The following GPR176 variants were observed in gnomAD, a reference collection of about 807,000 sequenced individuals.
GPR176 encodes the protein G protein-coupled receptor 176, also known as G-protein coupled receptor 176.
Under a neutral mutation model 35.4 loss-of-function variants are expected in GPR176, and 26 were observed. The observed-to-expected ratio is 0.74, with a 90% confidence interval of 0.54 to 1.02. The LOEUF (loss-of-function observed/expected upper bound fraction) is 1.02. Ranked by LOEUF, GPR176 falls within the 50% of genes least tolerant of loss-of-function variation. GPR176 has a pLI of 0.00. For synonymous variants in GPR176, 278 were observed against 271.3 expected (o/e 1.02, Z -0.24); for missense variants, 597 against 665.3 (o/e 0.90, Z 1.13).
rs1345918151 is a variant in GPR176, at chr15:39,800,576, G to A, written c.*556C>T. ...CTACATCCCAATGAAAGGGACGAAG[G>A]GTATCAGGAGAAACAGTGAGTCATA... On this transcript the variant is annotated 3_prime_UTR_variant, in exon 3 of 3. Coordinates refer to ENST00000561100, the MANE Select transcript of GPR176 (RefSeq NM_007223.3). 4 of 154,578 alleles carry A rather than the reference G, an allele frequency of 2.6e-5. No individual in the cohort carries two copies. The highest frequency in any genetic ancestry group is 5.7e-5 in the Non-Finnish European group (4 of 69,618). The allele number at this position is 154,578 out of a possible 1,614,324, so 9.6% of individuals were successfully genotyped here. A position where few individuals can be genotyped will look rare whatever the true frequency, so the allele number is the denominator to read the frequency against.
At chr15:39,910,154 T>G (rs2033537140) in intron 1 of GPR176, among the ~76,000 whole-genome samples, 1 of 152,258 alleles carries the variant, frequency 6.6e-6, no homozygotes, top group Admixed American at 6.5e-5. Context: ...GTTATTATGA[T>G]GACTGAAAGA....
At chr15:39,827,696 A>T (rs1900771445) in intron 1 of GPR176, among the ~76,000 whole-genome samples, 1 of 152,238 alleles carries the variant, frequency 6.6e-6, no homozygotes, top group Admixed American at 6.5e-5. Flanking sequence ...AGTATCTATT[A>T]GATTGGTGCA....
At chr15:39,845,471 T>C (rs775600550) in intron 1 of GPR176, among the ~76,000 whole-genome samples, 3 of 151,642 alleles carry the variant, frequency 2.0e-5, no homozygotes, top group Non-Finnish European at 2.9e-5. Context: ...TACTACTAGA[T>C]AACCTTAAGT....
intron 1 of GPR176, among the ~76,000 whole-genome samples, chr15:39,910,986 C>A (rs2033562752): frequency 6.6e-6 from 1 of 151,874 alleles, no homozygotes. Context: ...TGCAGTTAGT[C>A]AAGGTTGTAC....
intron 1 of GPR176, among the ~76,000 whole-genome samples, chr15:39,861,376 CCT>C (rs1358022750): frequency 6.6e-6 from 1 of 151,934 alleles, no homozygotes; most frequent in Non-Finnish European, 1.5e-5. Context: ...ATGGTGAAAC[CCT>C]GTCTCCACTA....
rs529326219 is a variant in GPR176, at chr15:39,913,096, T to A, written c.172+6759A>T. Among the ~76,000 whole-genome samples the A allele has an allele frequency of 2.6e-5, 4 of 152,246 alleles. No homozygotes were observed. In the East Asian group the frequency reaches 7.7e-4, roughly 29 times the overall value. On this transcript the variant is annotated intron_variant, in intron 1 of 2. Coordinates refer to ENST00000561100, the MANE Select transcript of GPR176 (RefSeq NM_007223.3). ...GAATGGATAAACAAAATGTAATATA[T>A]CCATACAATGAAATATGATTCAGCA...
chr15:39,895,054 C>G (rs1290642785), intron 1 of GPR176, among the ~76,000 whole-genome samples: 1 of 152,246 alleles, frequency 6.6e-6, no homozygotes, highest in African/African-American at 2.4e-5. Context: ...CATAGCGAAA[C>G]CCGGTCTCCA....
At chr15:39,856,675 G>A (rs1171194297) in intron 1 of GPR176, among the ~76,000 whole-genome samples, 8 of 152,202 alleles carry the variant, frequency 5.3e-5, no homozygotes, top group East Asian at 1.9e-4. Flanking sequence ...TAATAATGCC[G>A]CAATGTCTTT....
chr15:39,866,819 G>A (rs1003803980), intron 1 of GPR176, among the ~76,000 whole-genome samples: 1 of 152,278 alleles, frequency 6.6e-6, no homozygotes, highest in East Asian at 1.9e-4. Flanking sequence ...AATGTGTGAA[G>A]AAATAAATCA....
rs370201937 is a variant in GPR176 at position 39,829,744 on chromosome 15, T to C, written c.173-22486A>G. On this transcript the variant is annotated intron_variant, in intron 1 of 2. Transcript: ENST00000561100. ...CCATTCCTCAGTCCCTGTCTCTCCTTTCCAAGCTGGGAAATTGGAGGAAGC... is the reference window on the plus strand; with the variant it reads ...CCATTCCTCAGTCCCTGTCTCTCCTCTCCAAGCTGGGAAATTGGAGGAAGC... Among the ~76,000 whole-genome samples, 25 of 152,238 alleles carry C rather than the reference T, an allele frequency of 1.6e-4. No homozygotes were observed. The East Asian group carries it at 1.7e-3, about 11-fold the overall frequency.
At position 39,800,808 on chromosome 15, in the gene GPR176, A is replaced by G. The variant is rs1476178025; in HGVS notation, c.*324T>C. On this transcript the variant is annotated 3_prime_UTR_variant, in exon 3 of 3. Transcript: ENST00000561100. ...TCTCTGTGTGTTCTCTGCAGAGCCC[A>G]GGGAAGTGAGGCATCCTCAGAAAGT... The G allele has an allele frequency of 3.6e-6, 1 of 277,032 alleles. No individual in the cohort carries two copies. Among genetic ancestry groups the G allele is most frequent in the Non-Finnish European group, 6.9e-6 (1 of 145,522 alleles). The allele number at this position is 277,032 out of a possible 1,614,324, so 17.2% of individuals were successfully genotyped here.
At chr15:39,856,714 C>A (rs1436274) in intron 1 of GPR176, among the ~76,000 whole-genome samples, 2 of 152,064 alleles carry the variant, frequency 1.3e-5, no homozygotes, top group Non-Finnish European at 2.9e-5. Flanking sequence ...TCACATACTG[C>A]CTTATTCTAT....
intron 1 of GPR176, among the ~76,000 whole-genome samples, chr15:39,856,084 C>G (rs111719503): frequency 6.6e-6 from 1 of 152,152 alleles, no homozygotes; most frequent in Non-Finnish European, 1.5e-5. Context: ...ATTCCAGAAC[C>G]ATGCTCAAAA....
At chr15:39,899,091 A>G (rs1439210755) in intron 1 of GPR176, among the ~76,000 whole-genome samples, 1 of 152,172 alleles carries the variant, frequency 6.6e-6, no homozygotes, top group Non-Finnish European at 1.5e-5. Context: ...GACCAGCAGC[A>G]TCAACATCAG....
intron 1 of GPR176, chr15:39,814,823 A>G (rs1899792066): frequency 6.6e-6 from 1 of 152,246 alleles, no homozygotes; most frequent in South Asian, 2.1e-4. Flanking sequence ...AGGGAGATGC[A>G]GAATATTTTA....
chr15:39,841,670 A>G (rs1206146800), intron 1 of GPR176, among the ~76,000 whole-genome samples: 1 of 152,156 alleles, frequency 6.6e-6, no homozygotes, highest in Non-Finnish European at 1.5e-5. Flanking sequence ...TCCTGCCAAC[A>G]TTGATTTCAG....
rs555000452 is a variant in GPR176 at position 39,872,200 on chromosome 15, C to T, written c.172+47655G>A. 3.6e-4 allele frequency among the ~76,000 whole-genome samples: 55 copies of T among 152,168 alleles called. No individual in the cohort carries two copies. The South Asian group carries it at 0.011, about 30-fold the overall frequency. ...ATAAGTTGTATAATAGAGAGATAAA[C>T]AACATTGTAGGAGAAAAGAAGAGGT... On this transcript the variant is annotated intron_variant, in intron 1 of 2. Coordinates refer to ENST00000561100, the MANE Select transcript of GPR176 (RefSeq NM_007223.3).
Position 39,835,043 on chromosome 15 carries a change from G to A in GPR176, c.173-27785C>T, listed in dbSNP as rs538594894. 2.6e-4 allele frequency among the ~76,000 whole-genome samples: 40 copies of A among 152,098 alleles called. No homozygotes were observed. The South Asian group carries it at 8.3e-3, about 32-fold the overall frequency. ...ATCTTTTTTTTTATTTTGAGACAGA[G>A]TTTCGCTCTTGTTGCCCAGGCTAGA... is the stretch of plus-strand genomic sequence containing the variant. On this transcript the variant is annotated intron_variant, in intron 1 of 2. Coordinates refer to ENST00000561100, the MANE Select transcript of GPR176 (RefSeq NM_007223.3).
At chr15:39,864,316 C>T (rs567114559) in intron 1 of GPR176, among the ~76,000 whole-genome samples, 2 of 152,194 alleles carry the variant, frequency 1.3e-5, no homozygotes, top group African/African-American at 4.8e-5. Flanking sequence ...TGTATCAGAA[C>T]AGAGAACCCA....
Sources: allele counts gnomAD v4.1 joint callset (sites outside exome capture counted in the v4.1 genomes callset), GRCh38; gene constraint gnomAD v4.1.1; transcripts MANE v1.5; gene names NCBI Gene and HGNC (gene_info 2026-07-23, HGNC 2026-07-21).